The following BIRC6 variants were observed in gnomAD, a reference collection of about 807,000 sequenced individuals.
BIRC6 encodes the protein dual E2 ubiquitin-conjugating enzyme/E3 ubiquitin-protein ligase BIRC6.
Under a neutral mutation model 503.3 loss-of-function variants are expected in BIRC6, and 98 were observed. That is an observed-to-expected ratio of 0.19 (90% CI 0.17 to 0.23). The LOEUF (loss-of-function observed/expected upper bound fraction) is 0.23. Among genes scored for constraint, BIRC6 ranks in the 10% least tolerant of loss-of-function variants. The probability of loss-of-function intolerance (pLI) is 1.00; values close to 1 mark genes in which losing one functional copy is unlikely to be tolerated. For missense variants in BIRC6, 5,360 were observed against 5,806.0 expected, an observed-to-expected ratio of 0.92 and a Z score of 2.50; for synonymous variants, 2,240 against 2,078.7, an observed-to-expected ratio of 1.08 and a Z score of -2.11.
At chr2:32,465,424 A>G (rs919145758) in intron 26 of BIRC6, among the ~76,000 whole-genome samples, 1 of 152,044 alleles carries the variant, frequency 6.6e-6, no homozygotes, top group African/African-American at 2.4e-5. Flanking sequence ...ATTGACATAA[A>G]TAATTTATTG....
At chr2:32,407,207 A>C (rs530760425) in intron 9 of BIRC6, among the ~76,000 whole-genome samples, 22 of 152,264 alleles carry the variant, frequency 1.4e-4, no homozygotes, top group African/African-American at 5.3e-4. Flanking sequence ...GCACTTTGGG[A>C]GGCCACAGCG....
intron 15 of BIRC6, among the ~76,000 whole-genome samples, chr2:32,438,192 A>G (rs1422320577): frequency 6.6e-6 from 1 of 152,208 alleles, no homozygotes; most frequent in Non-Finnish European, 1.5e-5. Context: ...TTTCCATAAA[A>G]TTCTCCCCAG....
At chr2:32,522,367 T>C (rs1020235658) in intron 57 of BIRC6, 39 of 152,136 alleles carry the variant, frequency 2.6e-4, no homozygotes, top group African/African-American at 8.9e-4. Flanking sequence ...TATAATGATA[T>C]TATTTGAAAA....
At chr2:32,554,529 A>G (rs2058649805) in intron 65 of BIRC6, among the ~76,000 whole-genome samples, 1 of 152,186 alleles carries the variant, frequency 6.6e-6, no homozygotes, top group Non-Finnish European at 1.5e-5. Context: ...TAGACATGAG[A>G]GAGCAGGCAC....
intron 10 of BIRC6, among the ~76,000 whole-genome samples, chr2:32,428,337 G>C (rs1330428568): frequency 6.6e-6 from 1 of 152,188 alleles, no homozygotes; most frequent in Non-Finnish European, 1.5e-5. Context: ...GGTGTTTCCA[G>C]TGCTTTGCTT....
intron 61 of BIRC6, among the ~76,000 whole-genome samples, chr2:32,542,775 A>G (rs754587655): frequency 3.3e-5 from 5 of 152,182 alleles, no homozygotes; most frequent in Admixed American, 6.5e-5. Context: ...TTCTGCTGTC[A>G]TGTGCGTCTT....
intron 68 of BIRC6, among the ~76,000 whole-genome samples, chr2:32,597,497 G>C (rs901987339): frequency 1.3e-5 from 2 of 152,140 alleles, no homozygotes; most frequent in African/African-American, 4.8e-5. Flanking sequence ...GCATCTGTTA[G>C]ATTGTTTTTT....
intron 65 of BIRC6, among the ~76,000 whole-genome samples, chr2:32,562,441 G>A (rs2150728213): frequency 6.6e-6 from 1 of 152,266 alleles, no homozygotes; most frequent in East Asian, 1.9e-4. Flanking sequence ...ACTAATAGTG[G>A]TATGTTATTT....
chr2:32,590,396 G>T (rs1483368807), intron 66 of BIRC6, among the ~76,000 whole-genome samples: 1 of 152,134 alleles, frequency 6.6e-6, no homozygotes, highest in Non-Finnish European at 1.5e-5. Context: ...AATGTTTATT[G>T]CAACTTTGCA....
At position 32,513,173 on chromosome 2, in the gene BIRC6, A is replaced by G. The variant is rs770040422; in HGVS notation, c.10568+19A>G. 5.7e-6 allele frequency: 9 copies of G among 1,583,216 alleles called. No homozygotes were observed. Among genetic ancestry groups the G allele is most frequent in the Non-Finnish European group, 6.9e-6 (8 of 1,153,698 alleles). On this transcript the variant is annotated intron_variant, in intron 54 of 73. Coordinates refer to ENST00000421745, the MANE Select transcript of BIRC6 (RefSeq NM_016252.4). ...TCTTTGAGTAAGTATGATTTGTGAA[A>G]TCTTTTTTATCCCCCAGTACTAGAT...
At chr2:32,531,296 G>A in intron 60 of BIRC6, 59 bp from the exon 61 acceptor site, 1 of 1,397,162 alleles carries the variant, frequency 7.2e-7, no homozygotes, top group Non-Finnish European at 9.7e-7. Context: ...GTAAATGAAA[G>A]AATATTATAA....
chr2:32,451,797 A>T (rs1196978556), intron 22 of BIRC6, among the ~76,000 whole-genome samples: 1 of 152,230 alleles, frequency 6.6e-6, no homozygotes, highest in East Asian at 1.9e-4. Flanking sequence ...AATGAGAAAC[A>T]TCTCCCATAG....
At position 32,380,258 on chromosome 2, in the gene BIRC6, C is replaced by A; in HGVS notation, c.613C>A (p.His205Asn). 5.0e-6 allele frequency: 8 copies of A among 1,607,728 alleles called. No individual in the cohort carries two copies. The highest frequency in any genetic ancestry group is 5.9e-6 in the Non-Finnish European group (7 of 1,178,342). The change falls in exon 3 of 74, where the codon CAT becomes AAT. Residue 205 changes from histidine (H) to asparagine (N), a missense_variant. Coordinates refer to ENST00000421745, the MANE Select transcript of BIRC6 (RefSeq NM_016252.4). ...QLKDGLKNTS[H>N]ETAANHKVAK... ...CAAAGATGGTTTAAAAAATACATCTCATGAGACTGCAGCAAACCACAAAGT... is the reference window on the plus strand; with the variant it reads ...CAAAGATGGTTTAAAAAATACATCTAATGAGACTGCAGCAAACCACAAAGT...
intron 57 of BIRC6, among the ~76,000 whole-genome samples, chr2:32,520,036 A>G (rs936588066): frequency 6.6e-6 from 1 of 152,242 alleles, no homozygotes; most frequent in Admixed American, 6.5e-5. Flanking sequence ...TTATAACATG[A>G]ATATAAGTAG....
At chr2:32,400,407 C>T (rs560616581) in intron 6 of BIRC6, among the ~76,000 whole-genome samples, 26 of 144,728 alleles carry the variant, frequency 1.8e-4, no homozygotes, top group African/African-American at 5.9e-4. Flanking sequence ...GGCGCGATCT[C>T]GGCTCACTGC....
At chr2:32,436,353 G>A (rs766449351) in intron 15 of BIRC6, among the ~76,000 whole-genome samples, 169 bp downstream of exon 15, 4 of 152,174 alleles carry the variant, frequency 2.6e-5, no homozygotes, top group Admixed American at 6.5e-5. Context: ...GTAACTAACT[G>A]TATGGTTATC....
chr2:32,531,047 A>G (rs2056708144), intron 60 of BIRC6, among the ~76,000 whole-genome samples: 1 of 152,236 alleles, frequency 6.6e-6, no homozygotes, highest in Non-Finnish European at 1.5e-5. Flanking sequence ...AAACTTCAGT[A>G]TGCTTACAAA....
chr2:32,597,316 G>A (rs780436310), intron 68 of BIRC6, among the ~76,000 whole-genome samples: 86 of 152,106 alleles, frequency 5.7e-4, no homozygotes, highest in Non-Finnish European at 4.4e-4. Flanking sequence ...TAATTCTGTA[G>A]GATGAATTAA....
chr2:32,447,531 C>G (rs1250261975), intron 21 of BIRC6, among the ~76,000 whole-genome samples: 1 of 120,702 alleles, frequency 8.3e-6, no homozygotes. Flanking sequence ...CAGAGGGGTC[C>G]TCACTTCCCA....
Sources: allele counts gnomAD v4.1 joint callset (sites outside exome capture counted in the v4.1 genomes callset), GRCh38; gene constraint gnomAD v4.1.1; transcripts MANE v1.5; gene names NCBI Gene and HGNC (gene_info 2026-07-23, HGNC 2026-07-21).